The following CNTNAP5 variants were observed in gnomAD, a reference collection of about 807,000 sequenced individuals.
CNTNAP5 encodes the protein contactin associated protein family member 5, also known as contactin-associated protein-like 5.
In CNTNAP5, 72 loss-of-function variants were observed where a neutral mutation model predicts 150.2. The observed-to-expected ratio is 0.48, with a 90% CI of 0.40 to 0.58. CNTNAP5 has a LOEUF of 0.58. Ranked by LOEUF, CNTNAP5 falls within the 20% of genes least tolerant of loss-of-function variation. The pLI, the probability that CNTNAP5 is intolerant of heterozygous loss-of-function variation, is 0.00. For synonymous variants in CNTNAP5, 672 were observed against 619.8 expected (o/e 1.08, Z -1.25); for missense variants, 1,636 against 1,626.2 (o/e 1.01, Z -0.10).
In CNTNAP5 at chr2:124,057,448, A is replaced by ATTTTTTTTTTTTTTTT. The variant is rs556571236; in HGVS notation, c.82+31724_82+31739dup. ...AGGCACCCACCAGCACGGCCAGCTA[A>ATTTTTTTTTTTTTTTT]TTTTTTTTTTTTTTTTTTTTTTTAG... On this transcript the variant is annotated intron_variant, in intron 1 of 23. Coordinates refer to ENST00000682447, the MANE Select transcript of CNTNAP5 (RefSeq NM_001367498.1). 2.4e-4 allele frequency among the ~76,000 whole-genome samples: 15 copies of ATTTTTTTTTTTTTTTT among 62,790 alleles called. 3 individuals carry two copies. The highest frequency in any genetic ancestry group is 9.4e-4 in the African/African-American group (12 of 12,744). The allele number at this position is 62,790 out of a possible 152,430, so 41.2% of individuals were successfully genotyped here. A position where few individuals can be genotyped will look rare whatever the true frequency, so the allele number is the denominator to read the frequency against.
chr2:124,540,082 G>A (rs1216714370), intron 10 of CNTNAP5, among the ~76,000 whole-genome samples: 2 of 152,164 alleles, frequency 1.3e-5, no homozygotes, highest in Non-Finnish European at 2.9e-5. Flanking sequence ...TGGATTTTAT[G>A]TCTTGCCAAA....
intron 1 of CNTNAP5, among the ~76,000 whole-genome samples, chr2:124,116,744 T>G (rs1683438961): frequency 6.6e-6 from 1 of 152,238 alleles, no homozygotes; most frequent in Admixed American, 6.5e-5. Context: ...GAACTTCTGT[T>G]AAGATTGCAT....
chr2:124,718,285 G>C (rs1679984544), intron 13 of CNTNAP5, among the ~76,000 whole-genome samples: 2 of 152,126 alleles, frequency 1.3e-5, no homozygotes, highest in South Asian at 2.1e-4. Context: ...TCTGGGTAGA[G>C]GGCAATGAAG....
At chr2:124,415,157 C>A (rs1691885016) in intron 3 of CNTNAP5, among the ~76,000 whole-genome samples, 1 of 152,154 alleles carries the variant, frequency 6.6e-6, no homozygotes, top group Admixed American at 6.5e-5. Context: ...TGTGGAAGAG[C>A]ATTTCTGTCA....
intron 1 of CNTNAP5, among the ~76,000 whole-genome samples, chr2:124,085,945 A>C (rs1682677804): frequency 6.6e-6 from 1 of 152,142 alleles, no homozygotes; most frequent in African/African-American, 2.4e-5. Context: ...ACATTCAATG[A>C]AAACTTGAAA....
intron 10 of CNTNAP5, among the ~76,000 whole-genome samples, chr2:124,533,973 A>C (rs775687397): frequency 6.6e-5 from 10 of 152,064 alleles, no homozygotes; most frequent in Non-Finnish European, 1.5e-4. Context: ...GAGTGACTCC[A>C]CCTCTCCCCA....
chr2:124,039,885 A>C (rs1022378480), intron 1 of CNTNAP5, among the ~76,000 whole-genome samples: 1 of 152,130 alleles, frequency 6.6e-6, no homozygotes, highest in Non-Finnish European at 1.5e-5. Context: ...TTAATGATTT[A>C]TTTTTAGTTT....
At chr2:124,797,177 A>G (rs1323662083) in intron 18 of CNTNAP5, among the ~76,000 whole-genome samples, 2 of 152,296 alleles carry the variant, frequency 1.3e-5, no homozygotes, top group East Asian at 1.9e-4. Flanking sequence ...CACAAAGTTC[A>G]TTATCTTGCC....
At chr2:124,504,632 A>C in intron 8 of CNTNAP5, 76 bp downstream of exon 8, 1 of 1,438,940 alleles carries the variant, frequency 6.9e-7, no homozygotes, top group African/African-American at 1.4e-5. Flanking sequence ...ACAAAAACAT[A>C]CAGAATCCAA....
intron 1 of CNTNAP5, among the ~76,000 whole-genome samples, chr2:124,194,011 T>C (rs1458621523): frequency 6.6e-6 from 1 of 152,110 alleles, no homozygotes; most frequent in Non-Finnish European, 1.5e-5. Context: ...TAATCAACCT[T>C]AGCTTGCATC....
intron 21 of CNTNAP5, among the ~76,000 whole-genome samples, chr2:124,876,859 G>T (rs1335594958): frequency 6.6e-6 from 1 of 151,888 alleles, no homozygotes; most frequent in Non-Finnish European, 1.5e-5. Flanking sequence ...AAGTATTTTA[G>T]ATTCGTTAAT....
chr2:124,527,470 CT>C lies in CNTNAP5; in HGVS notation c.1649+16del, dbSNP rs762025062. The C allele has an allele frequency of 5.6e-6, 9 of 1,598,492 alleles. No individual in the cohort carries two copies. In the Admixed American group the frequency reaches 1.5e-4, roughly 27 times the overall value. On this transcript the variant is annotated intron_variant, in intron 10 of 23. Transcript: ENST00000682447. ...CATCAAAGACAGGTAATTATTGTCTCTTCTCCTCTGTTCTGCCACCCCCTTC... is the reference window on the plus strand; with the variant it reads ...CATCAAAGACAGGTAATTATTGTCTCTCTCCTCTGTTCTGCCACCCCCTTC...
At chr2:124,372,689 T>C (rs1473839739) in intron 3 of CNTNAP5, among the ~76,000 whole-genome samples, 1 of 152,038 alleles carries the variant, frequency 6.6e-6, no homozygotes, top group East Asian at 1.9e-4. Context: ...GCCCTTAAGC[T>C]TTTTTTACTT....
chr2:124,793,044 T>C (rs747077956), intron 18 of CNTNAP5, among the ~76,000 whole-genome samples: 1 of 152,244 alleles, frequency 6.6e-6, no homozygotes, highest in Non-Finnish European at 1.5e-5. Context: ...CTCTTGGATA[T>C]ATACCTAGAA....
At chr2:124,348,071 C>A (rs984508227) in intron 3 of CNTNAP5, among the ~76,000 whole-genome samples, 2 of 152,066 alleles carry the variant, frequency 1.3e-5, no homozygotes, top group African/African-American at 2.4e-5. Flanking sequence ...ACCTAGTGAG[C>A]CGCCCGCGTC....
intron 6 of CNTNAP5, among the ~76,000 whole-genome samples, chr2:124,451,641 G>A (rs1040831111): frequency 1.3e-5 from 2 of 151,936 alleles, no homozygotes; most frequent in Non-Finnish European, 2.9e-5. Flanking sequence ...AGGAAAGCCC[G>A]GAGGACACAC....
intron 1 of CNTNAP5, among the ~76,000 whole-genome samples, chr2:124,209,924 GCGGGC>G (rs1685964540): frequency 6.6e-6 from 1 of 152,200 alleles, no homozygotes; most frequent in Non-Finnish European, 1.5e-5. Context: ...AAGGTGATGT[GCGGGC>G]ATTCAAGACA....
At chr2:124,776,764 T>C (rs976632658) in intron 17 of CNTNAP5, among the ~76,000 whole-genome samples, 8 of 152,198 alleles carry the variant, frequency 5.3e-5, no homozygotes, top group African/African-American at 1.7e-4. Context: ...GAAAATTATC[T>C]GTTAGCATAT....
intron 21 of CNTNAP5, among the ~76,000 whole-genome samples, chr2:124,870,586 C>T (rs1324171230): frequency 6.6e-6 from 1 of 152,002 alleles, no homozygotes; most frequent in East Asian, 1.9e-4. Context: ...ATGTATCCAG[C>T]TCTTCCTGTG....
Sources: allele counts gnomAD v4.1 joint callset (sites outside exome capture counted in the v4.1 genomes callset), GRCh38; gene constraint gnomAD v4.1.1; transcripts MANE v1.5; gene names NCBI Gene and HGNC (gene_info 2026-07-23, HGNC 2026-07-21).